Variants in ATXN8OS observed in about 807,000 individuals in gnomAD.
ATXN8OS encodes ATXN8 opposite strand (non-protein coding).
chr13:70,146,297 C>G (rs1397803337), intron 3 of ATXN8OS, among the ~76,000 whole-genome samples: 1 of 145,306 alleles, frequency 6.9e-6, no homozygotes, highest in Non-Finnish European at 1.5e-5. Flanking sequence ...GAAATAGGAA[C>G]AGTTTTACAC....
chr13:70,161,122 C>T (rs1179464535), intron 4 of ATXN8OS, among the ~76,000 whole-genome samples: 1 of 150,722 alleles, frequency 6.6e-6, no homozygotes, highest in East Asian at 2.0e-4. Context: ...AAACTAAATA[C>T]TGCAAGATTT....
intron 4 of ATXN8OS, among the ~76,000 whole-genome samples, chr13:70,167,668 TA>T (rs930769610): frequency 4.4e-5 from 6 of 136,634 alleles, no homozygotes; most frequent in South Asian, 2.3e-4. Flanking sequence ...AATAATAACT[TA>T]AAAAAAAAGA....
At chr13:70,164,078 T>C (rs1889045422) in intron 4 of ATXN8OS, among the ~76,000 whole-genome samples, 1 of 145,124 alleles carries the variant, frequency 6.9e-6, no homozygotes, top group East Asian at 2.0e-4. Context: ...TTATTATTAT[T>C]ATTATTATTA....
chr13:70,109,754 T>A (rs1192656594), intron 1 of ATXN8OS, among the ~76,000 whole-genome samples: 1 of 152,188 alleles, frequency 6.6e-6, no homozygotes, highest in East Asian at 1.9e-4. Flanking sequence ...CAGATCATTT[T>A]TATCCAACAA....
At chr13:70,128,297 A>C (rs533748783) in intron 2 of ATXN8OS, among the ~76,000 whole-genome samples, 7 of 152,282 alleles carry the variant, frequency 4.6e-5, no homozygotes, top group Non-Finnish European at 5.9e-5. Flanking sequence ...CACTTTACCA[A>C]GATTCTTTTT....
intron 4 of ATXN8OS, among the ~76,000 whole-genome samples, chr13:70,148,834 T>C (rs1021700274): frequency 2.6e-5 from 4 of 152,142 alleles, no homozygotes; most frequent in Non-Finnish European, 4.4e-5. Context: ...TATAATATTT[T>C]ATTCTATCAA....
At chr13:70,153,051 T>C (rs1214598479) in intron 4 of ATXN8OS, among the ~76,000 whole-genome samples, 2 of 149,270 alleles carry the variant, frequency 1.3e-5, no homozygotes, top group Non-Finnish European at 3.0e-5. Context: ...TGTGTGTGTG[T>C]GTGTAGACTG....
chr13:70,144,234 C>T (rs1254068559), intron 3 of ATXN8OS, among the ~76,000 whole-genome samples: 1 of 152,060 alleles, frequency 6.6e-6, no homozygotes, highest in Non-Finnish European at 1.5e-5. Flanking sequence ...TTATTAAGTA[C>T]AATTTTCTCC....
At chr13:70,111,463 C>T (rs1888197808) in intron 1 of ATXN8OS, among the ~76,000 whole-genome samples, 1 of 152,158 alleles carries the variant, frequency 6.6e-6, no homozygotes, top group South Asian at 2.1e-4. Context: ...GTTAAGCATG[C>T]TGTCTCAGGT....
intron 4 of ATXN8OS, among the ~76,000 whole-genome samples, chr13:70,151,254 T>C (rs1337787314): frequency 6.6e-6 from 1 of 152,156 alleles, no homozygotes; most frequent in Non-Finnish European, 1.5e-5. Context: ...AAATTATTTA[T>C]CTTGTAGAAC....
intron 2 of ATXN8OS, among the ~76,000 whole-genome samples, chr13:70,128,864 T>C (rs1888483624): frequency 6.6e-6 from 1 of 151,980 alleles, no homozygotes; most frequent in Non-Finnish European, 1.5e-5. Context: ...CCACCTTTTT[T>C]TTTTTTTGAG....
At position 70,117,349 on chromosome 13, in the gene ATXN8OS, A is replaced by C. The variant is rs542442537; in HGVS notation, n.398+2051A>C. ...TCAAAACATCATGTTGTATACTTTA[A>C]ATATATACAATTATAAAAATGAAAA... On this transcript the variant is annotated intron_variant and non_coding_transcript_variant, in intron 2 of 4. Coordinates refer to ENST00000678624, the Ensembl canonical transcript of ATXN8OS. Among the ~76,000 whole-genome samples the C allele has an allele frequency of 2.0e-5, 3 of 152,132 alleles. No homozygotes were observed. In the South Asian group the frequency reaches 6.2e-4, roughly 31 times the overall value.
intron 3 of ATXN8OS, among the ~76,000 whole-genome samples, chr13:70,143,648 C>T (rs1454863336): frequency 1.3e-5 from 2 of 152,094 alleles, no homozygotes; most frequent in Admixed American, 6.6e-5. Flanking sequence ...CGGTGGGTAC[C>T]TCACCTCTGT....
chr13:70,134,275 A>G (rs1361320743), intron 3 of ATXN8OS, among the ~76,000 whole-genome samples: 1 of 152,198 alleles, frequency 6.6e-6, no homozygotes, highest in East Asian at 1.9e-4. Flanking sequence ...AGCAATTGCA[A>G]TCTCTCTCCT....
chr13:70,112,921 T>A (rs199664696), intron 1 of ATXN8OS, among the ~76,000 whole-genome samples: 27 of 52,404 alleles, frequency 5.2e-4, no homozygotes, highest in African/African-American at 1.7e-3. Flanking sequence ...ATATATATAA[T>A]TTTTTTTTTT....
rs1313220989 is a variant in ATXN8OS at position 70,111,406 on chromosome 13, ACT to A, written n.240+3392_240+3393del. ...GGTGAAGGTCTTCTTCCTGGTGGGG[ACT>A]CTCTGCAGAGTCCTGGAGCTGCACA... On this transcript the variant is annotated intron_variant and non_coding_transcript_variant, in intron 1 of 4. Coordinates refer to ENST00000678624, the Ensembl canonical transcript of ATXN8OS. 2.6e-5 allele frequency among the ~76,000 whole-genome samples: 4 copies of A among 152,044 alleles called. No individual in the cohort carries two copies. In the East Asian group the frequency reaches 5.8e-4, roughly 22 times the overall value.
At chr13:70,132,856 CTA>C (rs2137484677) in intron 3 of ATXN8OS, among the ~76,000 whole-genome samples, 1 of 113,792 alleles carries the variant, frequency 8.8e-6, no homozygotes, top group South Asian at 3.4e-4. Flanking sequence ...CAACTAAAGT[CTA>C]TTTTTTTTTT....
At chr13:70,157,270 T>C (rs957266245) in intron 4 of ATXN8OS, among the ~76,000 whole-genome samples, 1 of 152,164 alleles carries the variant, frequency 6.6e-6, no homozygotes, top group Non-Finnish European at 1.5e-5. Flanking sequence ...GAATGTTGTG[T>C]CTCAAGAAAC....
At chr13:70,114,534 T>A (rs986520780) in intron 1 of ATXN8OS, among the ~76,000 whole-genome samples, 1 of 152,166 alleles carries the variant, frequency 6.6e-6, no homozygotes, top group South Asian at 2.1e-4. Flanking sequence ...GCAAAAGGAA[T>A]GATGAGTTTT....
Sources: allele counts gnomAD v4.1 joint callset (sites outside exome capture counted in the v4.1 genomes callset), GRCh38; gene constraint gnomAD v4.1.1; transcripts MANE v1.5; gene names NCBI Gene and HGNC (gene_info 2026-07-23, HGNC 2026-07-21).